The following MOCS1 variants were observed in gnomAD, a reference collection of about 807,000 sequenced individuals.
The protein encoded by MOCS1 is molybdenum cofactor biosynthesis protein 1.
A neutral mutation model predicts 57.6 loss-of-function variants in MOCS1; 39 were observed. The ratio of observed to expected loss-of-function variants is 0.68; its 90% CI spans 0.52 to 0.88. The LOEUF is 0.88. Ranked by LOEUF, MOCS1 falls within the 40% of genes least tolerant of loss-of-function variation. The probability of loss-of-function intolerance (pLI) is 0.00; values close to 1 mark genes in which losing one functional copy is unlikely to be tolerated. For missense variants in MOCS1, 795 were observed against 831.1 expected (o/e 0.96, Z 0.53); for synonymous variants, 334 against 335.7 (o/e 1.00, Z 0.05).
intron 3 of MOCS1, among the ~76,000 whole-genome samples, chr6:39,921,850 G>A (rs556981737): frequency 8.6e-4 from 131 of 152,286 alleles, no homozygotes; most frequent in Admixed American, 2.6e-3. Context: ...TGTCATGGGG[G>A]TTTGTTGTAC....
At chr6:39,927,641 G>A (rs1451886707) in intron 1 of MOCS1, 186 bp from the exon 2 acceptor site, 1 of 1,588,728 alleles carries the variant, frequency 6.3e-7, no homozygotes, top group East Asian at 2.2e-5. Flanking sequence ...TCAGCTTGAT[G>A]GGAAGGACCC....
rs9296314 is a variant in MOCS1, at chr6:39,925,466, G to A, written c.418+212C>T. On this transcript the variant is annotated intron_variant, in intron 3 of 10. Coordinates refer to ENST00000340692, the MANE Select transcript of MOCS1 (RefSeq NM_001358530.2). ...CAAGCTACTGAGGTCTGGCATTTGC[G>A]AGCTTCCTGACCTTGGGCAAGTTAT... Among the ~76,000 whole-genome samples, 6,796 of 152,230 alleles carry A rather than the reference G, an allele frequency of 0.045. 461 individuals are homozygous for A. The highest frequency in any genetic ancestry group is 0.15 in the African/African-American group (6,368 of 41,492).
Position 39,913,428 on chromosome 6 carries a change from C to A in MOCS1, c.646G>T (p.Val216Leu). Reference protein sequence around the residue: ...AIELGYNPVKVNCVVMRGLNE... With the variant: ...AIELGYNPVKLNCVVMRGLNE... Reference sequence around the variant, plus strand: ...AGGCCTCGCATCACCACACAGTTCACCTGGCCGGGGAACAATGGGACCATG... The same window carrying A: ...AGGCCTCGCATCACCACACAGTTCAACTGGCCGGGGAACAATGGGACCATG... Residue 216 changes from valine (V) to leucine (L), a missense_variant and splice_region_variant, in exon 6 of 11, where the codon GTG (valine) becomes TTG (leucine). Physicochemically the swap from Val to Leu is conservative, Grantham distance 32. This residue lies in a region of MOCS1 where 416 missense variants were observed against 392.4 expected (regional missense o/e 1.06). Coordinates refer to ENST00000340692, the MANE Select transcript of MOCS1 (RefSeq NM_001358530.2). 1 of 1,613,936 alleles carries A rather than the reference C, an allele frequency of 6.2e-7. No individual in the cohort carries two copies. Among genetic ancestry groups the A allele is most frequent in the African/African-American group, 1.3e-5 (1 of 75,064 alleles).
chr6:39,904,310 C>T lies in MOCS1; in HGVS notation c.*2047G>A, dbSNP rs1766662871. The T allele has an allele frequency of 2.2e-6, 1 of 456,740 alleles. No individual in the cohort carries two copies. Among genetic ancestry groups the T allele is most frequent in the Non-Finnish European group, 4.4e-6 (1 of 226,972 alleles). 28.3% of individuals were successfully genotyped at this position (456,740 alleles called of 1,614,324 possible). Reference sequence around the variant, plus strand: ...TTTATTTTCTACATCTGGCCAGTGGCTCTGGTGCTAGATGCCACTGTAGCC... The same window carrying T: ...TTTATTTTCTACATCTGGCCAGTGGTTCTGGTGCTAGATGCCACTGTAGCC... On this transcript the variant is annotated 3_prime_UTR_variant, in exon 11 of 11. Coordinates refer to ENST00000340692, the MANE Select transcript of MOCS1 (RefSeq NM_001358530.2).
chr6:39,927,768 T>G, intron 1 of MOCS1: 1 of 1,471,904 alleles, frequency 6.8e-7, no homozygotes, highest in Non-Finnish European at 9.0e-7. Flanking sequence ...GCCCTTATTC[T>G]TCACTCTAGC....
chr6:39,926,186 C>T (rs750546418), intron 2 of MOCS1, among the ~76,000 whole-genome samples: 2 of 152,160 alleles, frequency 1.3e-5, no homozygotes, highest in African/African-American at 2.4e-5. Flanking sequence ...TGGGCAGGGG[C>T]GTTCCTCCTG....
At chr6:39,932,792 C>T (rs1054122458) in intron 1 of MOCS1, among the ~76,000 whole-genome samples, 1 of 152,190 alleles carries the variant, frequency 6.6e-6, no homozygotes, top group African/African-American at 2.4e-5. Context: ...ATGGGCTAAG[C>T]TTTGTTCTAA....
chr6:39,910,069 G>A (rs1319615894), intron 8 of MOCS1, 114 bp from the exon 9 acceptor site: 7 of 1,474,102 alleles, frequency 4.7e-6, no homozygotes, highest in Non-Finnish European at 6.5e-6. Flanking sequence ...CAGGGCCCAG[G>A]CCTCCCATGG....
intron 3 of MOCS1, among the ~76,000 whole-genome samples, chr6:39,918,492 A>G (rs1767784434): frequency 6.6e-6 from 1 of 152,266 alleles, no homozygotes; most frequent in South Asian, 2.1e-4. Context: ...ATAATCACGG[A>G]TGTGAATAAC....
At chr6:39,913,273 C>A (rs1468992132) in intron 6 of MOCS1, 44 bp downstream of exon 6, 1 of 1,555,408 alleles carries the variant, frequency 6.4e-7, no homozygotes, top group Non-Finnish European at 8.9e-7. Flanking sequence ...GACCTGCAGG[C>A]CCAACCCCTT....
chr6:39,908,702 C>T (rs570701571), intron 10 of MOCS1, among the ~76,000 whole-genome samples: 2 of 152,272 alleles, frequency 1.3e-5, no homozygotes, highest in Admixed American at 6.5e-5. Context: ...TCACATTATC[C>T]AAATGGGAGA....
chr6:39,911,633 C>T (rs963570325), intron 8 of MOCS1, among the ~76,000 whole-genome samples: 13 of 152,182 alleles, frequency 8.5e-5, no homozygotes, highest in African/African-American at 2.4e-4. Flanking sequence ...TGCCCTAGCC[C>T]GCCCAACCAG....
chr6:39,932,746 T>C (rs1295639881), intron 1 of MOCS1, among the ~76,000 whole-genome samples: 4 of 152,216 alleles, frequency 2.6e-5, no homozygotes, highest in Non-Finnish European at 5.9e-5. Context: ...TGGATAATAG[T>C]AATTACCACC....
chr6:39,927,260 C>A, intron 2 of MOCS1, 69 bp downstream of exon 2: 2 of 1,580,024 alleles, frequency 1.3e-6, no homozygotes, highest in Non-Finnish European at 1.7e-6. Context: ...TTTCCAGGCA[C>A]AGGGAAATTT....
At position 39,906,080 on chromosome 6, in the gene MOCS1, T is replaced by C. The variant is rs1469060173; in HGVS notation, c.*277A>G. ...CACAAAGAACATGATTTCTCAGTTATCTGGCATTGCTTGTTGCAGTCCCGC... is the reference window on the plus strand; with the variant it reads ...CACAAAGAACATGATTTCTCAGTTACCTGGCATTGCTTGTTGCAGTCCCGC... On this transcript the variant is annotated 3_prime_UTR_variant, in exon 11 of 11. Transcript: ENST00000340692. 3.1e-6 allele frequency: 2 copies of C among 649,988 alleles called. No homozygotes were observed. Among genetic ancestry groups the C allele is most frequent in the Non-Finnish European group, 2.8e-6 (1 of 353,344 alleles). The allele number at this position is 649,988 out of a possible 1,614,324, so 40.3% of individuals were successfully genotyped here. A position where few individuals can be genotyped will look rare whatever the true frequency, so the allele number is the denominator to read the frequency against.
intron 7 of MOCS1, 46 bp downstream of exon 7, chr6:39,912,846 G>A (rs755060286): frequency 6.8e-7 from 1 of 1,466,506 alleles, no homozygotes; most frequent in Non-Finnish European, 9.6e-7. Context: ...TAGGGTGGAG[G>A]TACGACCTTC....
At chr6:39,914,443 C>T (rs1767537853) in intron 4 of MOCS1, among the ~76,000 whole-genome samples, 1 of 152,262 alleles carries the variant, frequency 6.6e-6, no homozygotes, top group Non-Finnish European at 1.5e-5. Flanking sequence ...CACATACTCT[C>T]TGAGCACCTA....
Position 39,927,600 on chromosome 6 carries a change from G to A in MOCS1, c.124-145C>T, listed in dbSNP as rs751414246. On this transcript the variant is annotated intron_variant, in intron 1 of 10. Transcript: ENST00000340692. ...ACATGTTTGGGCTCTGCAATGTTGG[G>A]GAAGCTGGGATTGTCCCTCTCGTTG... 3.1e-6 allele frequency: 5 copies of A among 1,603,876 alleles called. No homozygotes were observed. The African/African-American group carries it at 5.3e-5, about 17-fold the overall frequency.
chr6:39,934,310 C>A lies in MOCS1; in HGVS notation c.108G>T (p.Ala36=). 6.5e-7 allele frequency: 1 copy of A among 1,546,374 alleles called. No individual in the cohort carries two copies. The highest frequency in any genetic ancestry group is 8.7e-7 in the Non-Finnish European group (1 of 1,150,604). ...PVTQPCPGES[A]RAASEEVSRR... ...GTGGGCTCACCTCCGAGGCAGCTCG[C>A]GCGGACTCCCCGGGGCAGGGCTGGG... is the stretch of plus-strand genomic sequence containing the variant. Residue 36 remains alanine, a synonymous_variant, in exon 1 of 11, where the codon GCG becomes GCT. Coordinates refer to ENST00000340692, the MANE Select transcript of MOCS1 (RefSeq NM_001358530.2).
Sources: allele counts gnomAD v4.1 joint callset (sites outside exome capture counted in the v4.1 genomes callset), GRCh38; gene constraint gnomAD v4.1.1; regional missense constraint gnomAD v4.1.1; transcripts MANE v1.5; gene names NCBI Gene and HGNC (gene_info 2026-07-23, HGNC 2026-07-21).